VIPR2: variants seen among roughly 807,000 people sequenced by gnomAD.
The protein encoded by VIPR2 is vasoactive intestinal polypeptide receptor 2.
In VIPR2, 48 loss-of-function variants were observed where a neutral mutation model predicts 58.0. The observed-to-expected ratio is 0.83, with a 90% CI of 0.66 to 1.05. The LOEUF (loss-of-function observed/expected upper bound fraction) is 1.05, where lower values mean the gene tolerates loss of function less well. Among genes scored for constraint, VIPR2 ranks in the 50% least tolerant of loss-of-function variants. VIPR2 has a pLI of 0.00. For missense variants in VIPR2, 534 were observed against 558.0 expected (o/e 0.96, Z 0.43); for synonymous variants, 243 against 235.2 (o/e 1.03, Z -0.30).
intron 2 of VIPR2, among the ~76,000 whole-genome samples, chr7:159,116,618 C>G (rs1463976816): frequency 1.3e-5 from 2 of 152,174 alleles, no homozygotes; most frequent in Non-Finnish European, 2.9e-5. Flanking sequence ...AAAAACGGAC[C>G]CTGTGATGGT....
chr7:159,065,012 G>C (rs1856002312), intron 4 of VIPR2, among the ~76,000 whole-genome samples: 1 of 152,110 alleles, frequency 6.6e-6, no homozygotes, highest in South Asian at 2.1e-4. Context: ...CGTGGGACTT[G>C]GAGCCATGGC....
intron 5 of VIPR2, among the ~76,000 whole-genome samples, chr7:159,056,863 A>G (rs1427428283): frequency 6.6e-6 from 1 of 152,186 alleles, no homozygotes; most frequent in Non-Finnish European, 1.5e-5. Flanking sequence ...ACGTGGGATG[A>G]GCCCCAAGCC....
At chr7:159,084,357 G>A (rs1002310357) in intron 4 of VIPR2, among the ~76,000 whole-genome samples, 3 of 152,246 alleles carry the variant, frequency 2.0e-5, no homozygotes, top group Non-Finnish European at 4.4e-5. Context: ...GCAGGCGGCT[G>A]GGCACGCTGG....
intron 2 of VIPR2, among the ~76,000 whole-genome samples, chr7:159,110,905 A>C (rs545285178): frequency 1.8e-4 from 27 of 152,362 alleles, no homozygotes; most frequent in African/African-American, 6.3e-4. Flanking sequence ...GTTTCTAAAT[A>C]CTTTCAATAA....
chr7:159,070,823 T>G (rs994306259), intron 4 of VIPR2, among the ~76,000 whole-genome samples: 4 of 152,242 alleles, frequency 2.6e-5, no homozygotes, highest in African/African-American at 9.6e-5. Flanking sequence ...TTAAGAAGGC[T>G]TATTTGGTTT....
At chr7:159,143,944 G>A (rs956880778) in intron 1 of VIPR2, among the ~76,000 whole-genome samples, 9 of 152,216 alleles carry the variant, frequency 5.9e-5, no homozygotes, top group Non-Finnish European at 1.0e-4. Flanking sequence ...ACCGGGCGTC[G>A]CCGGTTAATC....
chr7:159,030,818 G>C, intron 12 of VIPR2, 29 bp from the exon 13 acceptor site: 1 of 1,530,090 alleles, frequency 6.5e-7, no homozygotes, highest in Non-Finnish European at 8.8e-7. Context: ...GGGAACGCCC[G>C]TGAGCCTGGG....
At chr7:159,077,430 T>C (rs1191479121) in intron 4 of VIPR2, among the ~76,000 whole-genome samples, 3 of 150,116 alleles carry the variant, frequency 2.0e-5, no homozygotes, top group Admixed American at 1.3e-4. Flanking sequence ...TTCAATGTCT[T>C]TGAGGTATTA....
At chr7:159,070,902 C>A (rs73523930) in intron 4 of VIPR2, among the ~76,000 whole-genome samples, 20,493 of 152,194 alleles carry the variant, frequency 0.13, 1,955 homozygotes, top group African/African-American at 0.27. Flanking sequence ...CTGAAGCACA[C>A]GCAGGTGGGA....
In VIPR2 at chr7:159,036,064, ACAGGTGGGTGCCTTCAC is replaced by A. The variant is rs776897710; in HGVS notation, c.749-69_749-53del. On this transcript the variant is annotated intron_variant, in intron 7 of 12. Coordinates refer to ENST00000262178, the MANE Select transcript of VIPR2 (RefSeq NM_003382.5). Reference sequence around the variant, plus strand: ...GTGGAGCGGAGCGGTGTGCACGCACACAGGTGGGTGCCTTCACCAGCAAAACCCTCAAGGACACGCTT... The same window carrying A: ...GTGGAGCGGAGCGGTGTGCACGCACACAGCAAAACCCTCAAGGACACGCTT... 2,672 of 1,576,022 alleles carry A rather than the reference ACAGGTGGGTGCCTTCAC, an allele frequency of 1.7e-3. 2 individuals carry two copies. Among genetic ancestry groups the A allele is most frequent in the Non-Finnish European group, 2.0e-3 (2,323 of 1,158,954 alleles).
At chr7:159,073,930 T>C (rs780687486) in intron 4 of VIPR2, among the ~76,000 whole-genome samples, 1 of 152,134 alleles carries the variant, frequency 6.6e-6, no homozygotes, top group Non-Finnish European at 1.5e-5. Flanking sequence ...CAGACAACTG[T>C]GCACACAATT....
Position 159,144,823 on chromosome 7 carries a change from G to A in VIPR2, c.-52C>T. 2 of 1,231,250 alleles carry A rather than the reference G, an allele frequency of 1.6e-6. No homozygotes were observed. The highest frequency in any genetic ancestry group is 2.0e-6 in the Non-Finnish European group (2 of 987,228). 76.3% of individuals were successfully genotyped at this position (1,231,250 alleles called of 1,614,324 possible). On this transcript the variant is annotated 5_prime_UTR_variant, in exon 1 of 13. Transcript: ENST00000262178. Reference sequence around the variant, plus strand: ...CCAGCGCCCGCCGCCTCCGTCCTAGGTCCCCGCGGTTCCGCCGCCTCCAGC... The same window carrying A: ...CCAGCGCCCGCCGCCTCCGTCCTAGATCCCCGCGGTTCCGCCGCCTCCAGC...
intron 4 of VIPR2, among the ~76,000 whole-genome samples, chr7:159,069,044 G>A (rs1300394558): frequency 3.9e-5 from 6 of 152,166 alleles, no homozygotes; most frequent in East Asian, 1.9e-4. Context: ...TCACTGAGCC[G>A]CGTGAACCGT....
At chr7:159,069,631 C>A (rs770955583) in intron 4 of VIPR2, among the ~76,000 whole-genome samples, 1 of 152,150 alleles carries the variant, frequency 6.6e-6, no homozygotes, top group Non-Finnish European at 1.5e-5. Flanking sequence ...CTGTCCCTCT[C>A]TCTGCCTGCA....
intron 5 of VIPR2, among the ~76,000 whole-genome samples, chr7:159,055,642 T>G (rs754608333): frequency 3.1e-4 from 47 of 152,140 alleles, no homozygotes; most frequent in Non-Finnish European, 5.1e-4. Flanking sequence ...GATTCTCTCC[T>G]TGGCTGCATT....
intron 5 of VIPR2, among the ~76,000 whole-genome samples, chr7:159,055,050 C>A (rs895383779): frequency 6.6e-6 from 1 of 152,176 alleles, no homozygotes; most frequent in African/African-American, 2.4e-5. Context: ...ATTTGCTATG[C>A]CTCAAACTGA....
At chr7:159,107,438 T>G (rs1382349589) in intron 3 of VIPR2, among the ~76,000 whole-genome samples, 1 of 152,190 alleles carries the variant, frequency 6.6e-6, no homozygotes, top group African/African-American at 2.4e-5. Context: ...CCCTGCTTCC[T>G]TTGTTCCCCT....
intron 3 of VIPR2, among the ~76,000 whole-genome samples, chr7:159,108,731 G>A (rs997894972): frequency 6.6e-6 from 1 of 152,180 alleles, no homozygotes; most frequent in Non-Finnish European, 1.5e-5. Flanking sequence ...GGAAGCCTCA[G>A]AACCATGCCA....
At chr7:159,105,972 A>G (rs1858620561) in intron 3 of VIPR2, among the ~76,000 whole-genome samples, 1 of 152,192 alleles carries the variant, frequency 6.6e-6, no homozygotes, top group South Asian at 2.1e-4. Flanking sequence ...ACACCACAGG[A>G]GGCAGCTCTC....
Sources: allele counts gnomAD v4.1 joint callset (sites outside exome capture counted in the v4.1 genomes callset), GRCh38; gene constraint gnomAD v4.1.1; transcripts MANE v1.5; gene names NCBI Gene and HGNC (gene_info 2026-07-23, HGNC 2026-07-21).